ITFG1: variants seen among roughly 807,000 people sequenced by gnomAD.
ITFG1 encodes the protein integrin alpha FG-GAP repeat containing 1.
A neutral mutation model predicts 81.8 loss-of-function variants in ITFG1; 34 were observed. The ratio of observed to expected loss-of-function variants is 0.42; its 90% CI spans 0.32 to 0.55. The LOEUF (loss-of-function observed/expected upper bound fraction) is 0.55, where lower values mean the gene tolerates loss of function less well. Among genes scored for constraint, ITFG1 ranks in the 20% least tolerant of loss-of-function variants. The pLI, the probability that ITFG1 is intolerant of heterozygous loss-of-function variation, is 0.17. For synonymous variants in ITFG1, 285 were observed against 270.6 expected (o/e 1.05, Z -0.52); for missense variants, 672 against 755.4 (o/e 0.89, Z 1.29).
chr16:47,218,785 C>A, intron 14 of ITFG1, 83 bp downstream of exon 14: 1 of 705,382 alleles, frequency 1.4e-6, no homozygotes, highest in Non-Finnish European at 2.3e-6. Flanking sequence ...AGTGTGAAAA[C>A]ATAATTTTTT....
At chr16:47,365,932 C>G in intron 7 of ITFG1, 63 bp from the exon 8 acceptor site, 3 of 872,374 alleles carry the variant, frequency 3.4e-6, no homozygotes, top group Non-Finnish European at 5.7e-6. Context: ...AAGTGTAAAA[C>G]AAAGCATTCT....
chr16:47,460,684 A>G (rs1969522345), intron 1 of ITFG1, among the ~76,000 whole-genome samples, 154 bp downstream of exon 1: 1 of 152,186 alleles, frequency 6.6e-6, no homozygotes, highest in Admixed American at 6.5e-5. Context: ...GTGGTGCAAA[A>G]GGACAAGCTG....
At chr16:47,241,386 G>C (rs1567433008) in intron 12 of ITFG1, among the ~76,000 whole-genome samples, 1 of 152,140 alleles carries the variant, frequency 6.6e-6, no homozygotes, top group Non-Finnish European at 1.5e-5. Flanking sequence ...CCAAAAGGTG[G>C]AAACCATCCA....
rs1193118750 is a variant in ITFG1, at chr16:47,273,386, G to A, written c.1071-12691C>T. 2.0e-5 allele frequency among the ~76,000 whole-genome samples: 3 copies of A among 152,236 alleles called. No homozygotes were observed. In the East Asian group the frequency reaches 5.8e-4, roughly 29 times the overall value. ...AAAATGATGCTCTGAAACCCATGCTGCCTACTATCGGTAAGTGCAGAATGC... is the reference window on the plus strand; with the variant it reads ...AAAATGATGCTCTGAAACCCATGCTACCTACTATCGGTAAGTGCAGAATGC... On this transcript the variant is annotated intron_variant, in intron 10 of 17. Transcript: ENST00000320640.
chr16:47,302,913 C>T (rs1032068008), intron 10 of ITFG1, among the ~76,000 whole-genome samples: 4 of 152,148 alleles, frequency 2.6e-5, no homozygotes, highest in Non-Finnish European at 5.9e-5. Context: ...CTGAACTAAG[C>T]TTCTTCTCTG....
chr16:47,221,668 C>T (rs1473459443), intron 13 of ITFG1, among the ~76,000 whole-genome samples: 1 of 152,162 alleles, frequency 6.6e-6, no homozygotes, highest in Admixed American at 6.5e-5. Flanking sequence ...GTACCAGTTC[C>T]TCCTTGTACC....
intron 6 of ITFG1, among the ~76,000 whole-genome samples, chr16:47,394,721 T>C (rs1443822925): frequency 1.3e-5 from 2 of 152,162 alleles, no homozygotes; most frequent in East Asian, 1.9e-4. Context: ...ATCCCATATT[T>C]TATTAACTTG....
At chr16:47,452,851 A>G in intron 3 of ITFG1, 61 bp from the exon 4 acceptor site, 1 of 831,130 alleles carries the variant, frequency 1.2e-6, no homozygotes, top group Non-Finnish European at 1.9e-6. Flanking sequence ...TTTGATATCT[A>G]TGCTTAGGAA....
chr16:47,242,091 T>C (rs1186905130), intron 12 of ITFG1, among the ~76,000 whole-genome samples: 1 of 152,124 alleles, frequency 6.6e-6, no homozygotes, highest in Non-Finnish European at 1.5e-5. Context: ...TTAAATTGTA[T>C]ACTTCAAATG....
intron 6 of ITFG1, among the ~76,000 whole-genome samples, chr16:47,417,950 T>C (rs1185521339): frequency 6.6e-6 from 1 of 152,158 alleles, no homozygotes; most frequent in African/African-American, 2.4e-5. Context: ...GTGTGAAACA[T>C]CCATACTGTT....
At chr16:47,436,501 T>A (rs2151612441) in intron 5 of ITFG1, among the ~76,000 whole-genome samples, 1 of 152,270 alleles carries the variant, frequency 6.6e-6, no homozygotes, top group South Asian at 2.1e-4. Context: ...AACAAAGCTT[T>A]AAAATATATT....
intron 8 of ITFG1, among the ~76,000 whole-genome samples, chr16:47,318,203 C>G (rs975119132): frequency 1.3e-4 from 20 of 152,272 alleles, no homozygotes; most frequent in African/African-American, 4.3e-4. Context: ...CCAAGACAAT[C>G]TATGCAAATA....
chr16:47,429,597 A>G (rs1410228813), intron 5 of ITFG1, among the ~76,000 whole-genome samples: 1 of 152,050 alleles, frequency 6.6e-6, no homozygotes, highest in East Asian at 1.9e-4. Context: ...ATTCTTGTCC[A>G]TTTATTTTAT....
At chr16:47,227,699 T>G (rs1301220146) in intron 13 of ITFG1, among the ~76,000 whole-genome samples, 1 of 152,128 alleles carries the variant, frequency 6.6e-6, no homozygotes, top group African/African-American at 2.4e-5. Context: ...GCTCCTATAG[T>G]GGAGCGCAAA....
chr16:47,396,516 T>C (rs1968595132), intron 6 of ITFG1, among the ~76,000 whole-genome samples: 1 of 126,660 alleles, frequency 7.9e-6, no homozygotes, highest in African/African-American at 4.2e-5. Flanking sequence ...CCTAACCTAA[T>C]AATTATTTTG....
At chr16:47,302,345 G>A (rs1343778514) in intron 10 of ITFG1, among the ~76,000 whole-genome samples, 1 of 151,536 alleles carries the variant, frequency 6.6e-6, no homozygotes, top group African/African-American at 2.4e-5. Context: ...TCCTGCTGAG[G>A]AAAAGACCTC....
At chr16:47,373,666 G>A (rs1730500905) in intron 7 of ITFG1, among the ~76,000 whole-genome samples, 1 of 152,154 alleles carries the variant, frequency 6.6e-6, no homozygotes, top group South Asian at 2.1e-4. Context: ...GTAGCATAAT[G>A]TATATCTCAT....
intron 8 of ITFG1, among the ~76,000 whole-genome samples, chr16:47,354,255 A>G (rs1163161028): frequency 6.6e-6 from 1 of 152,170 alleles, no homozygotes; most frequent in Non-Finnish European, 1.5e-5. Flanking sequence ...CCATGCATCT[A>G]CAGCCAGCTG....
intron 8 of ITFG1, among the ~76,000 whole-genome samples, chr16:47,318,439 C>T (rs1168252742): frequency 6.6e-6 from 1 of 151,892 alleles, no homozygotes; most frequent in Non-Finnish European, 1.5e-5. Context: ...CCAAACAATC[C>T]AACAATGAAT....
Sources: allele counts gnomAD v4.1 joint callset (sites outside exome capture counted in the v4.1 genomes callset), GRCh38; gene constraint gnomAD v4.1.1; transcripts MANE v1.5; gene names NCBI Gene and HGNC (gene_info 2026-07-23, HGNC 2026-07-21).